The following PHEX variants were observed in gnomAD, a reference collection of about 807,000 sequenced individuals.
PHEX encodes phosphate-regulating neutral endopeptidase PHEX.
Under a neutral mutation model 68.0 loss-of-function variants are expected in PHEX, and 16 were observed. That is an observed-to-expected ratio of 0.24 (90% CI 0.16 to 0.36). The LOEUF (loss-of-function observed/expected upper bound fraction) is 0.36, where lower values mean the gene tolerates loss of function less well. Ranked by LOEUF, PHEX falls within the 10% of genes least tolerant of loss-of-function variation. The pLI is 1.00. For synonymous variants in PHEX, 208 were observed against 205.1 expected (o/e 1.01, Z -0.12); for missense variants, 480 against 575.5 (o/e 0.83, Z 1.70).
In PHEX at chrX:22,250,583, A is replaced by C. The variant is rs1212910628; in HGVS notation, c.*2630A>C. 3.6e-5 allele frequency: 4 copies of C among 111,382 alleles called. No homozygotes were observed. Among genetic ancestry groups the C allele is most frequent in the African/African-American group, 1.3e-4 (4 of 30,621 alleles). 9.2% of individuals were successfully genotyped at this position (111,382 alleles called of 1,213,427 possible). ...AGTTAGGTTTTTTGTGTTTGTGAAA[A>C]TCTCCTGGATTAGTAAAAAAATTTT... is the stretch of plus-strand genomic sequence containing the variant. On this transcript the variant is annotated 3_prime_UTR_variant, in exon 22 of 22. Transcript: ENST00000379374.
chrX:22,207,743 A>G (rs904109564), intron 15 of PHEX, among the ~76,000 whole-genome samples: 19 of 111,945 alleles, frequency 1.7e-4, no homozygotes, highest in Non-Finnish European at 3.2e-4. Flanking sequence ...TCTCAAATTT[A>G]TTTAATTTTA....
rs1928191798 is a variant in PHEX, at chrX:22,057,965, C to T, written c.349+10754C>T. 4.5e-5 allele frequency among the ~76,000 whole-genome samples: 5 copies of T among 111,705 alleles called. No individual in the cohort carries two copies. In the South Asian group the frequency reaches 1.9e-3, roughly 42 times the overall value. On this transcript the variant is annotated intron_variant, in intron 3 of 21. Transcript: ENST00000379374. The stretch of plus-strand genomic sequence containing the variant: ...CTCCATCTCCTCCTGTGCCCACAGT[C>T]CCAGAAGACTCTTGAGATGCAACTG...
At chrX:22,105,887 T>C (rs1223968264) in intron 9 of PHEX, among the ~76,000 whole-genome samples, 4 of 111,881 alleles carry the variant, frequency 3.6e-5, no homozygotes, top group Non-Finnish European at 7.5e-5. Flanking sequence ...TATTCAGATT[T>C]TGGAATATTT....
At chrX:22,099,800 A>C (rs971037689) in intron 9 of PHEX, among the ~76,000 whole-genome samples, 7 of 112,579 alleles carry the variant, frequency 6.2e-5, no homozygotes, top group Non-Finnish European at 1.3e-4. Flanking sequence ...CAGAGCTTAC[A>C]AAATGAATCA....
chrX:22,077,544 G>A lies in PHEX; in HGVS notation c.505G>A (p.Val169Met), dbSNP rs187824835. Residue 169 changes from valine to methionine, a missense_variant, in exon 5 of 22, where the codon GTG becomes ATG. Val to Met is a conservative substitution (Grantham distance 21, BLOSUM62 1). Transcript: ENST00000379374. ...ILRHSPFRWP[V>M]LESNIGPEGV... ...ACGGCATTCACCTTTCCGCTGGCCC[G>A]TGCTTGAATCTAATATTGGCCCTGA... 3.6e-5 allele frequency: 44 copies of A among 1,210,063 alleles called. No individual in the cohort carries two copies. Among genetic ancestry groups the A allele is most frequent in the Admixed American group, 2.8e-4 (13 of 45,764 alleles).
Position 22,076,418 on chromosome X carries a change from G to A in PHEX, c.380G>A (p.Arg127Gln), listed in dbSNP as rs370698419. ...TTGGAGAAATCAATCAGTAGAAGGC[G>A]GGACACCGAAGCCATACAGAAAGCC... ...ELLEKSISRR[R>Q]DTEAIQKAKI... The change falls in exon 4 of 22, where the codon CGG becomes CAG. Residue 127 changes from arginine (R) to glutamine (Q), a missense_variant. Arg to Gln is a conservative substitution (Grantham distance 43). Coordinates refer to ENST00000379374, the MANE Select transcript of PHEX (RefSeq NM_000444.6). 146 of 1,207,466 alleles carry A rather than the reference G, an allele frequency of 1.2e-4. No homozygotes were observed. The highest frequency in any genetic ancestry group is 6.7e-4 in the South Asian group (38 of 56,770).
At chrX:22,234,166 T>C (rs1278246188) in intron 20 of PHEX, among the ~76,000 whole-genome samples, 1 of 112,891 alleles carries the variant, frequency 8.9e-6, no homozygotes, top group Non-Finnish European at 1.9e-5. Flanking sequence ...TCCGGAAGCT[T>C]TGCCCCAGAG....
chrX:22,119,055 A>G (rs1931368336), intron 11 of PHEX, among the ~76,000 whole-genome samples: 1 of 111,637 alleles, frequency 9.0e-6, no homozygotes, highest in Non-Finnish European at 1.9e-5. Context: ...GAACTGGAAT[A>G]TGAGCCACAT....
intron 18 of PHEX, among the ~76,000 whole-genome samples, chrX:22,224,859 A>G (rs1935393256): frequency 1.6e-5 from 1 of 62,327 alleles, no homozygotes; most frequent in Non-Finnish European, 3.0e-5. Flanking sequence ...GGTAAGATCC[A>G]TGGCTTGAAA....
chrX:22,097,887 C>T (rs1930213310), intron 8 of PHEX: 2 of 172,749 alleles, frequency 1.2e-5, no homozygotes, highest in Admixed American at 8.9e-5. Flanking sequence ...CCTGCCTTAG[C>T]CTCTCGAGTA....
chrX:22,129,299 A>G (rs987252195), intron 11 of PHEX, among the ~76,000 whole-genome samples: 3 of 111,911 alleles, frequency 2.7e-5, no homozygotes, highest in Non-Finnish European at 5.6e-5. Flanking sequence ...TCCATTTAAT[A>G]TTTTCAGAAC....
At chrX:22,038,258 T>C (rs933592403) in intron 1 of PHEX, among the ~76,000 whole-genome samples, 9 of 111,425 alleles carry the variant, frequency 8.1e-5, no homozygotes, top group East Asian at 2.8e-4. Flanking sequence ...ACGAGAGAAC[T>C]GAGTTTCAAA....
intron 10 of PHEX, among the ~76,000 whole-genome samples, 162 bp downstream of exon 10, chrX:22,111,722 T>C (rs932995424): frequency 5.4e-5 from 6 of 112,075 alleles, no homozygotes; most frequent in African/African-American, 1.6e-4. Context: ...GCCTTATTTA[T>C]TTTTATTTAG....
chrX:22,057,577 C>T (rs766092530), intron 3 of PHEX, among the ~76,000 whole-genome samples: 3 of 109,199 alleles, frequency 2.7e-5, no homozygotes, highest in African/African-American at 6.8e-5. Context: ...GGCAACAGAG[C>T]GAGACTCGAT....
chrX:22,214,697 A>G (rs750347321), intron 16 of PHEX, among the ~76,000 whole-genome samples: 1 of 112,086 alleles, frequency 8.9e-6, no homozygotes, highest in East Asian at 2.8e-4. Context: ...GGCTGGAGAA[A>G]GTCTTCAGGC....
intron 3 of PHEX, among the ~76,000 whole-genome samples, chrX:22,061,199 C>G (rs918120443): frequency 5.4e-5 from 6 of 112,071 alleles, no homozygotes; most frequent in Non-Finnish European, 9.4e-5. Flanking sequence ...GCGTGAATCC[C>G]TTACCTTTAC....
chrX:22,188,946 A>C (rs1279942788), intron 14 of PHEX, among the ~76,000 whole-genome samples: 1 of 110,509 alleles, frequency 9.0e-6, no homozygotes, highest in African/African-American at 3.3e-5. Flanking sequence ...CCATCCTTCT[A>C]CTCTCTATCT....
intron 16 of PHEX, among the ~76,000 whole-genome samples, chrX:22,216,428 A>G (rs901474407): frequency 1.2e-4 from 13 of 112,008 alleles, no homozygotes; most frequent in Middle Eastern, 4.6e-3. Context: ...AGTGCAAGAA[A>G]TCTTCCAGTT....
At chrX:22,140,766 G>A (rs1241813633) in intron 12 of PHEX, among the ~76,000 whole-genome samples, 1 of 112,039 alleles carries the variant, frequency 8.9e-6, no homozygotes, top group African/African-American at 3.2e-5. Context: ...ACAGGCATGA[G>A]CCACCGTGCC....
Sources: gnomAD v4.1 joint callset for allele counts (sites outside exome capture counted in the v4.1 genomes callset) on GRCh38, gnomAD v4.1.1 for gene constraint, MANE v1.5 for transcripts, NCBI Gene and HGNC (gene_info 2026-07-23, HGNC 2026-07-21) for gene names.